RALA: variants seen among roughly 807,000 people sequenced by gnomAD.
The protein encoded by RALA is ras-related protein Ral-A.
RALA carries 5 observed loss-of-function variants against 24.0 expected under a neutral mutation model. The ratio of observed to expected loss-of-function variants is 0.21; its 90% CI spans 0.11 to 0.44. The LOEUF (loss-of-function observed/expected upper bound fraction) is 0.44. Ranked by LOEUF, RALA falls within the 20% of genes least tolerant of loss-of-function variation. The probability of loss-of-function intolerance (pLI) is 0.99; values close to 1 mark genes in which losing one functional copy is unlikely to be tolerated. For synonymous variants in RALA, 77 were observed against 83.8 expected, an observed-to-expected ratio of 0.92 and a Z score of 0.44; for missense variants, 95 against 241.2, an observed-to-expected ratio of 0.39 and a Z score of 4.01.
At chr7:39,626,202 T>C (rs1381682646) in intron 1 of RALA, among the ~76,000 whole-genome samples, 4 of 152,214 alleles carry the variant, frequency 2.6e-5, no homozygotes, top group African/African-American at 9.6e-5. Flanking sequence ...CTCTTGGTAA[T>C]AAGAGTTCTC....
At chr7:39,701,583 G>A (rs904702132) in intron 4 of RALA, among the ~76,000 whole-genome samples, 1 of 152,160 alleles carries the variant, frequency 6.6e-6, no homozygotes, top group Non-Finnish European at 1.5e-5. Flanking sequence ...ACTACTAGAA[G>A]CCTGATCACA....
chr7:39,700,128 TAAAAA>T (rs1792998350), intron 4 of RALA, among the ~76,000 whole-genome samples: 1 of 152,070 alleles, frequency 6.6e-6, no homozygotes, highest in South Asian at 2.1e-4. Flanking sequence ...TTTCAAAAAA[TAAAAA>T]ATAAAATAAA....
chr7:39,630,223 T>G (rs1791571103), intron 1 of RALA, among the ~76,000 whole-genome samples: 1 of 148,852 alleles, frequency 6.7e-6, no homozygotes, highest in Non-Finnish European at 1.5e-5. Flanking sequence ...TTTTTTTTTT[T>G]TTTTTTTTTG....
In RALA at chr7:39,668,785, G is replaced by A. The variant is rs369411009; in HGVS notation, c.-37-17846G>A. 9.8e-5 allele frequency among the ~76,000 whole-genome samples: 13 copies of A among 132,342 alleles called. No homozygotes were observed. The South Asian group carries it at 2.4e-3, about 24-fold the overall frequency. The allele number at this position is 132,342 out of a possible 152,430, so 86.8% of individuals were successfully genotyped here. A position where few individuals can be genotyped will look rare whatever the true frequency, so the allele number is the denominator to read the frequency against. On this transcript the variant is annotated intron_variant, in intron 1 of 4. Transcript: ENST00000005257. ...GCACTCCAGCCTGAGCAACAAGAGC[G>A]AAATTCCATCTCAAAAAAAAAAAAA...
At chr7:39,670,202 G>T (rs2116021095) in intron 1 of RALA, among the ~76,000 whole-genome samples, 1 of 152,346 alleles carries the variant, frequency 6.6e-6, no homozygotes, top group Admixed American at 6.5e-5. Flanking sequence ...CCAAAGTACA[G>T]TTGTGCAATC....
chr7:39,647,660 T>C (rs1029823968), intron 1 of RALA, among the ~76,000 whole-genome samples: 8 of 152,084 alleles, frequency 5.3e-5, no homozygotes, highest in Admixed American at 1.3e-4. Context: ...AGGAGGTAAT[T>C]AGGTCATGAG....
Position 39,623,580 on chromosome 7 carries a change from T to G in RALA, c.-283T>G, listed in dbSNP as rs990586218. 1 of 152,550 alleles carries G rather than the reference T, an allele frequency of 6.6e-6. No homozygotes were observed. Among genetic ancestry groups the G allele is most frequent in the African/African-American group, 2.4e-5 (1 of 41,432 alleles). The allele number at this position is 152,550 out of a possible 1,614,324, so 9.4% of individuals were successfully genotyped here. A position where few individuals can be genotyped will look rare whatever the true frequency, so the allele number is the denominator to read the frequency against. The stretch of plus-strand genomic sequence containing the variant: ...CGCCCCGGAAGTGATCTGTGGCGGC[T>G]GCTGCAGAGCCGCCAGGAGGAGGGT... On this transcript the variant is annotated 5_prime_UTR_variant, in exon 1 of 5. Coordinates refer to ENST00000005257, the MANE Select transcript of RALA (RefSeq NM_005402.4). This position sits in a 1 kb window ranked among gnomAD's most constrained non-coding sequence, Gnocchi z 4.9.
At chr7:39,647,948 T>G (rs1791956583) in intron 1 of RALA, among the ~76,000 whole-genome samples, 1 of 152,354 alleles carries the variant, frequency 6.6e-6, no homozygotes, top group African/African-American at 2.4e-5. Flanking sequence ...GTATCTGTCA[T>G]AAAGTCTTAG....
chr7:39,633,065 G>T (rs1289756896), intron 1 of RALA, among the ~76,000 whole-genome samples: 1 of 152,086 alleles, frequency 6.6e-6, no homozygotes, highest in East Asian at 1.9e-4. Flanking sequence ...TCCCTTCTAG[G>T]CTAAAGCTGT....
intron 1 of RALA, among the ~76,000 whole-genome samples, chr7:39,631,257 C>T (rs931050669): frequency 6.6e-6 from 1 of 152,212 alleles, no homozygotes; most frequent in African/African-American, 2.4e-5. Context: ...ATCCACCTGC[C>T]TCGGCCTTCC....
intron 1 of RALA, among the ~76,000 whole-genome samples, chr7:39,671,167 T>C (rs1792376372): frequency 6.6e-6 from 1 of 152,182 alleles, no homozygotes; most frequent in Non-Finnish European, 1.5e-5. Context: ...CTTCCTGCCT[T>C]CTGAGTCCCA....
At chr7:39,674,717 C>T (rs1792448686) in intron 1 of RALA, among the ~76,000 whole-genome samples, 1 of 151,184 alleles carries the variant, frequency 6.6e-6, no homozygotes, top group South Asian at 2.1e-4. Flanking sequence ...TTTGCAAATG[C>T]ATATTGAGAT....
intron 1 of RALA, among the ~76,000 whole-genome samples, chr7:39,634,102 A>C (rs1791645999): frequency 6.6e-6 from 1 of 152,022 alleles, no homozygotes; most frequent in Admixed American, 6.5e-5. Flanking sequence ...CCATATACTA[A>C]TGAGTTCCTT....
intron 4 of RALA, chr7:39,697,518 A>T: frequency 2.2e-6 from 1 of 452,772 alleles, no homozygotes; most frequent in Non-Finnish European, 4.4e-6. Context: ...GAGGTAGCAC[A>T]GAATCTTAAA....
intron 1 of RALA, among the ~76,000 whole-genome samples, chr7:39,665,851 T>C (rs1264607872): frequency 6.6e-6 from 1 of 152,040 alleles, no homozygotes; most frequent in Non-Finnish European, 1.5e-5. Context: ...GATGTGAATT[T>C]TTTTTTTTTA....
At position 39,652,823 on chromosome 7, in the gene RALA, T is replaced by C. The variant is rs1792040015; in HGVS notation, c.-38+28998T>C. Among the ~76,000 whole-genome samples the C allele has an allele frequency of 2.0e-5, 3 of 151,930 alleles. No individual in the cohort carries two copies. In the South Asian group the frequency reaches 6.2e-4, roughly 32 times the overall value. On this transcript the variant is annotated intron_variant, in intron 1 of 4. Coordinates refer to ENST00000005257, the MANE Select transcript of RALA (RefSeq NM_005402.4). Reference sequence around the variant, plus strand: ...GTCTGTTGCCCAGGCTGGAGTGCAGTGGTGTGATCTTGACTCACTGCCACG... The same window carrying C: ...GTCTGTTGCCCAGGCTGGAGTGCAGCGGTGTGATCTTGACTCACTGCCACG...
chr7:39,641,562 C>A (rs1328920089), intron 1 of RALA, among the ~76,000 whole-genome samples: 1 of 152,112 alleles, frequency 6.6e-6, no homozygotes, highest in East Asian at 1.9e-4. Context: ...TTACTGAAAT[C>A]AATTTTTTGT....
intron 1 of RALA, among the ~76,000 whole-genome samples, chr7:39,629,544 A>G (rs556931678): frequency 6.6e-6 from 1 of 152,126 alleles, no homozygotes; most frequent in Non-Finnish European, 1.5e-5. Context: ...CCTCCTGAGT[A>G]GCTGGGATTA....
intron 1 of RALA, among the ~76,000 whole-genome samples, chr7:39,674,631 T>C (rs1350594857): frequency 2.6e-5 from 4 of 152,192 alleles, no homozygotes; most frequent in Non-Finnish European, 4.4e-5. Flanking sequence ...AGACATTAAA[T>C]AGTACAGATT....
Sources: allele counts gnomAD v4.1 joint callset (sites outside exome capture counted in the v4.1 genomes callset), GRCh38; gene constraint gnomAD v4.1.1; non-coding constraint Gnocchi (gnomAD v3.1); transcripts MANE v1.5; gene names NCBI Gene and HGNC (gene_info 2026-07-23, HGNC 2026-07-21).